Variants in GRID2 observed in about 807,000 individuals in gnomAD.
The protein encoded by GRID2 is glutamate receptor ionotropic, delta-2.
Under a neutral mutation model 114.8 loss-of-function variants are expected in GRID2, and 33 were observed. The observed-to-expected ratio is 0.29, with a 90% CI of 0.22 to 0.38. GRID2 has a LOEUF of 0.38. Among genes scored for constraint, GRID2 ranks in the 10% least tolerant of loss-of-function variants. The pLI is 1.00. For synonymous variants in GRID2, 505 were observed against 449.9 expected, an observed-to-expected ratio of 1.12 and a Z score of -1.55; for missense variants, 1,184 against 1,257.7, an observed-to-expected ratio of 0.94 and a Z score of 0.89.
intron 9 of GRID2, among the ~76,000 whole-genome samples, chr4:93,414,068 T>G (rs981076807): frequency 1.3e-5 from 2 of 152,164 alleles, no homozygotes; most frequent in Non-Finnish European, 2.9e-5. Context: ...CTCTAGGAAG[T>G]ATGAGATGGT....
chr4:92,348,163 A>T (rs1727874916), intron 1 of GRID2, among the ~76,000 whole-genome samples: 2 of 151,994 alleles, frequency 1.3e-5, no homozygotes. Context: ...ATGAGGTCTC[A>T]CTATGTTGCT....
intron 2 of GRID2, among the ~76,000 whole-genome samples, chr4:92,609,182 A>G (rs1393321270): frequency 2.0e-5 from 3 of 151,698 alleles, no homozygotes; most frequent in African/African-American, 7.3e-5. Context: ...TGTATCCCCA[A>G]TATTTGGTAC....
At chr4:92,535,078 T>C (rs1039195233) in intron 1 of GRID2, among the ~76,000 whole-genome samples, 2 of 152,200 alleles carry the variant, frequency 1.3e-5, no homozygotes, top group African/African-American at 4.8e-5. Flanking sequence ...CTACCTTATA[T>C]GGGCTAACTA....
intron 1 of GRID2, among the ~76,000 whole-genome samples, chr4:92,325,908 T>C (rs987389983): frequency 7.9e-5 from 12 of 151,878 alleles, no homozygotes; most frequent in African/African-American, 2.9e-4. Context: ...TTTAACTTTA[T>C]TTAAACAATT....
At chr4:92,330,160 C>T (rs528164907) in intron 1 of GRID2, among the ~76,000 whole-genome samples, 2 of 152,172 alleles carry the variant, frequency 1.3e-5, no homozygotes, top group African/African-American at 4.8e-5. Flanking sequence ...CCACATTGCA[C>T]TATGATAACA....
intron 1 of GRID2, among the ~76,000 whole-genome samples, chr4:92,468,820 T>G (rs1309035542): frequency 1.3e-5 from 2 of 152,090 alleles, no homozygotes; most frequent in Non-Finnish European, 2.9e-5. Flanking sequence ...CCACTGGACA[T>G]GAACGAAGAA....
chr4:92,929,781 C>G (rs527842990), intron 2 of GRID2, among the ~76,000 whole-genome samples: 1 of 151,228 alleles, frequency 6.6e-6, no homozygotes, highest in East Asian at 1.9e-4. Flanking sequence ...AGTCTCTTAA[C>G]CTTACTTTTT....
At chr4:92,441,914 TA>T (rs1449744722) in intron 1 of GRID2, among the ~76,000 whole-genome samples, 2 of 151,924 alleles carry the variant, frequency 1.3e-5, no homozygotes, top group African/African-American at 4.8e-5. Flanking sequence ...GGGAAGCAGA[TA>T]ATTTAGTTAA....
At chr4:92,464,492 C>G (rs771081140) in intron 1 of GRID2, among the ~76,000 whole-genome samples, 20 of 151,908 alleles carry the variant, frequency 1.3e-4, no homozygotes, top group Non-Finnish European at 2.6e-4. Flanking sequence ...AAGTATTAGG[C>G]CAATATATGT....
chr4:92,790,359 C>T (rs1293808257), intron 2 of GRID2, among the ~76,000 whole-genome samples: 1 of 151,620 alleles, frequency 6.6e-6, no homozygotes, highest in Non-Finnish European at 1.5e-5. Context: ...CAATAAATGG[C>T]AACTAACATT....
chr4:93,283,053 A>C (rs1338306797), intron 8 of GRID2, among the ~76,000 whole-genome samples: 3 of 152,046 alleles, frequency 2.0e-5, no homozygotes, highest in Non-Finnish European at 4.4e-5. Context: ...CAACATTGGG[A>C]ATCACAGTTC....
chr4:92,566,337 A>G (rs1180469188), intron 1 of GRID2, among the ~76,000 whole-genome samples: 1 of 151,944 alleles, frequency 6.6e-6, no homozygotes, highest in Non-Finnish European at 1.5e-5. Context: ...TCTGCATAGC[A>G]CGTAACTATC....
intron 4 of GRID2, among the ~76,000 whole-genome samples, chr4:93,125,593 T>C (rs1440838620): frequency 6.6e-6 from 1 of 152,188 alleles, no homozygotes; most frequent in Non-Finnish European, 1.5e-5. Flanking sequence ...CTTGCAAAAG[T>C]AAATTGCCAT....
chr4:93,396,089 C>T (rs1258482046), intron 9 of GRID2, among the ~76,000 whole-genome samples: 1 of 151,860 alleles, frequency 6.6e-6, no homozygotes, highest in African/African-American at 2.4e-5. Flanking sequence ...CCATGCCAAA[C>T]AATGGTAGAT....
chr4:93,376,016 TC>T (rs1763344056), intron 8 of GRID2, among the ~76,000 whole-genome samples: 5 of 152,104 alleles, frequency 3.3e-5, no homozygotes, highest in Admixed American at 3.3e-4. Context: ...AACATGGTCT[TC>T]TTTGCACCCG....
chr4:92,586,677 A>G (rs959251964), intron 1 of GRID2, among the ~76,000 whole-genome samples: 1 of 151,946 alleles, frequency 6.6e-6, no homozygotes, highest in Non-Finnish European at 1.5e-5. Context: ...ATTACTATAA[A>G]TTGTAATTAA....
chr4:92,410,950 G>C (rs1031112986), intron 1 of GRID2, among the ~76,000 whole-genome samples: 1 of 144,892 alleles, frequency 6.9e-6, no homozygotes, highest in African/African-American at 2.6e-5. Context: ...GACAATAAAA[G>C]GGTTTTAATG....
At chr4:93,009,403 C>T (rs755982354) in intron 2 of GRID2, among the ~76,000 whole-genome samples, 1 of 152,238 alleles carries the variant, frequency 6.6e-6, no homozygotes, top group African/African-American at 2.4e-5. Context: ...ACACCAACCT[C>T]ACCATCAGGA....
chr4:93,195,720 C>T (rs1741421375), intron 4 of GRID2, among the ~76,000 whole-genome samples: 1 of 152,114 alleles, frequency 6.6e-6, no homozygotes. Context: ...TGCAATAACA[C>T]CAAAGCACCC....
Sources: gnomAD v4.1 joint callset for allele counts (sites outside exome capture counted in the v4.1 genomes callset) on GRCh38, gnomAD v4.1.1 for gene constraint, MANE v1.5 for transcripts, NCBI Gene and HGNC (gene_info 2026-07-23, HGNC 2026-07-21) for gene names.